LDLRAD3: variants seen among roughly 807,000 people sequenced by gnomAD.
LDLRAD3 encodes the protein low density lipoprotein receptor class A domain containing 3, also known as low-density lipoprotein receptor class A domain-containing protein 3.
Under a neutral mutation model 29.4 loss-of-function variants are expected in LDLRAD3, and 20 were observed. The observed-to-expected ratio is 0.68, with a 90% confidence interval of 0.48 to 0.99. The LOEUF (loss-of-function observed/expected upper bound fraction) is 0.99, where lower values mean the gene tolerates loss of function less well. Among genes scored for constraint, LDLRAD3 ranks in the 50% least tolerant of loss-of-function variants. The pLI, the probability that LDLRAD3 is intolerant of heterozygous loss-of-function variation, is 0.00. For missense variants in LDLRAD3, 420 were observed against 454.3 expected (o/e 0.92, Z 0.69); for synonymous variants, 157 against 192.7 (o/e 0.81, Z 1.53).
At chr11:35,949,615 C>T (rs763862144) in intron 1 of LDLRAD3, among the ~76,000 whole-genome samples, 17 of 152,368 alleles carry the variant, frequency 1.1e-4, no homozygotes, top group Non-Finnish European at 2.1e-4. Context: ...TTTCATCGTA[C>T]ACTTTTTTCT....
At chr11:35,981,426 A>G (rs868429305) in intron 1 of LDLRAD3, among the ~76,000 whole-genome samples, 1 of 152,198 alleles carries the variant, frequency 6.6e-6, no homozygotes, top group Non-Finnish European at 1.5e-5. Flanking sequence ...TAAGTGGGTT[A>G]AGGTTTGTGA....
intron 3 of LDLRAD3, among the ~76,000 whole-genome samples, chr11:36,083,106 G>A (rs1183871606): frequency 6.6e-6 from 1 of 152,176 alleles, no homozygotes; most frequent in Non-Finnish European, 1.5e-5. Flanking sequence ...CACATACACA[G>A]CTTCTCCCAT....
chr11:36,203,693 G>C (rs1038439266), intron 4 of LDLRAD3, among the ~76,000 whole-genome samples: 1 of 152,190 alleles, frequency 6.6e-6, no homozygotes, highest in Non-Finnish European at 1.5e-5. Context: ...AGTTAAAGAA[G>C]TGTAGATTGT....
At chr11:36,143,802 C>T (rs941645800) in intron 4 of LDLRAD3, among the ~76,000 whole-genome samples, 2 of 151,932 alleles carry the variant, frequency 1.3e-5, no homozygotes, top group Non-Finnish European at 2.9e-5. Flanking sequence ...TAGATTAGAG[C>T]CCACCCTACA....
At chr11:36,024,769 C>T (rs1852142067) in intron 1 of LDLRAD3, among the ~76,000 whole-genome samples, 1 of 152,228 alleles carries the variant, frequency 6.6e-6, no homozygotes, top group East Asian at 1.9e-4. Context: ...CTCAACTGAG[C>T]CCATCTGAGC....
intron 1 of LDLRAD3, among the ~76,000 whole-genome samples, chr11:36,012,952 T>C (rs1411267948): frequency 6.6e-6 from 1 of 152,224 alleles, no homozygotes; most frequent in Non-Finnish European, 1.5e-5. Flanking sequence ...TTCAATTCTA[T>C]TTCCATTATA....
chr11:36,010,850 G>A (rs1217722068), intron 1 of LDLRAD3, among the ~76,000 whole-genome samples: 1 of 152,026 alleles, frequency 6.6e-6, no homozygotes, highest in Non-Finnish European at 1.5e-5. Context: ...TTGTTGCCTA[G>A]GCTGGAGTGT....
intron 1 of LDLRAD3, among the ~76,000 whole-genome samples, chr11:36,033,002 G>A (rs1192080158): frequency 6.6e-6 from 1 of 152,010 alleles, no homozygotes; most frequent in Non-Finnish European, 1.5e-5. Flanking sequence ...AGACTCCCAA[G>A]TAGCTGGGAT....
chr11:36,000,059 A>G (rs1851803955), intron 1 of LDLRAD3, among the ~76,000 whole-genome samples: 1 of 152,210 alleles, frequency 6.6e-6, no homozygotes, highest in South Asian at 2.1e-4. Context: ...GAAAATGAAT[A>G]GGCTAGATCC....
intron 2 of LDLRAD3, among the ~76,000 whole-genome samples, chr11:36,079,565 G>A (rs530423402): frequency 2.6e-5 from 4 of 152,282 alleles, no homozygotes; most frequent in African/African-American, 9.6e-5. Flanking sequence ...TGATGTTGTG[G>A]GTGGTGAAAG....
intron 4 of LDLRAD3, among the ~76,000 whole-genome samples, chr11:36,135,813 G>A (rs1173090836): frequency 6.6e-6 from 1 of 152,190 alleles, no homozygotes; most frequent in East Asian, 1.9e-4. Flanking sequence ...AGGAGGCTGA[G>A]GCAGGAGAAT....
intron 4 of LDLRAD3, among the ~76,000 whole-genome samples, chr11:36,191,540 C>CTCTCTCTG (rs1854943479): frequency 2.1e-5 from 1 of 47,138 alleles, no homozygotes; most frequent in Non-Finnish European, 3.9e-5. Context: ...AAGACCCTGT[C>CTCTCTCTG]TCTCTCTCTC....
At chr11:36,039,111 A>C (rs1255697334) in intron 2 of LDLRAD3, among the ~76,000 whole-genome samples, 1 of 151,358 alleles carries the variant, frequency 6.6e-6, no homozygotes, top group African/African-American at 2.4e-5. Context: ...CTGGGACTAC[A>C]GGCGCCCGCC....
At chr11:36,073,475 A>G (rs1852941509) in intron 2 of LDLRAD3, among the ~76,000 whole-genome samples, 1 of 152,248 alleles carries the variant, frequency 6.6e-6, no homozygotes, top group Admixed American at 6.5e-5. Context: ...CCTTTGTGGA[A>G]ATAGGGGGTG....
chr11:36,058,122 C>G (rs529548298), intron 2 of LDLRAD3, among the ~76,000 whole-genome samples: 49 of 152,326 alleles, frequency 3.2e-4, no homozygotes, highest in Non-Finnish European at 4.6e-4. Flanking sequence ...CACATGAAAT[C>G]AAGTGTGTCT....
chr11:36,142,208 C>T (rs1854096586), intron 4 of LDLRAD3, among the ~76,000 whole-genome samples: 1 of 152,150 alleles, frequency 6.6e-6, no homozygotes, highest in Non-Finnish European at 1.5e-5. Context: ...ACACTAGAGT[C>T]ACTCCTTAGT....
chr11:36,040,949 A>G (rs575847928), intron 2 of LDLRAD3, among the ~76,000 whole-genome samples: 3 of 152,222 alleles, frequency 2.0e-5, no homozygotes, highest in Admixed American at 2.0e-4. Flanking sequence ...TCTAGTTACT[A>G]GTTTTATTTC....
Position 36,010,055 on chromosome 11 carries a change from T to C in LDLRAD3, c.47-26048T>C, listed in dbSNP as rs1851935642. 3 of 154,380 alleles carry C rather than the reference T, an allele frequency of 1.9e-5. No individual in the cohort carries two copies. The Admixed American group carries it at 2.0e-4, about 10-fold the overall frequency. The allele number at this position is 154,380 out of a possible 1,614,324, so 9.6% of individuals were successfully genotyped here. A position where few individuals can be genotyped will look rare whatever the true frequency, so the allele number is the denominator to read the frequency against. On this transcript the variant is annotated intron_variant, in intron 1 of 5. Transcript: ENST00000315571. Reference sequence around the variant, plus strand: ...AAGGGACTGAAGAGTATAACCTACTTTATTGTGTTTGTGTCTGGAGTATCT... The same window carrying C: ...AAGGGACTGAAGAGTATAACCTACTCTATTGTGTTTGTGTCTGGAGTATCT...
intron 1 of LDLRAD3, among the ~76,000 whole-genome samples, chr11:35,992,557 C>G (rs1488855740): frequency 1.3e-5 from 2 of 152,156 alleles, no homozygotes; most frequent in African/African-American, 4.8e-5. Flanking sequence ...ATGATTGAAC[C>G]TTGGAAATAT....
Sources: gnomAD v4.1 joint callset for allele counts (sites outside exome capture counted in the v4.1 genomes callset) on GRCh38, gnomAD v4.1.1 for gene constraint, MANE v1.5 for transcripts, NCBI Gene and HGNC (gene_info 2026-07-23, HGNC 2026-07-21) for gene names.